The following ADGRL2 variants were observed in gnomAD, a reference collection of about 807,000 sequenced individuals.
ADGRL2 encodes calcium-independent alpha-latrotoxin receptor 2.
A neutral mutation model predicts 157.4 loss-of-function variants in ADGRL2; 44 were observed. That is an observed-to-expected ratio of 0.28 (90% CI 0.22 to 0.36). The LOEUF (loss-of-function observed/expected upper bound fraction) is 0.36. ADGRL2 is among the 10% of genes least tolerant of loss of function. ADGRL2 has a pLI of 1.00. For synonymous variants in ADGRL2, 585 were observed against 624.7 expected (o/e 0.94, Z 0.95); for missense variants, 1,510 against 1,768.9 (o/e 0.85, Z 2.63).
chr1:81,951,936 T>C, intron 8 of ADGRL2, 21 bp from the exon 9 acceptor site: 1 of 1,576,498 alleles, frequency 6.3e-7, no homozygotes, highest in Non-Finnish European at 8.6e-7. Context: ...TTAAATGAGA[T>C]AATACAAATT....
At chr1:81,426,004 CT>C (rs1008691232) in intron 1 of ADGRL2, among the ~76,000 whole-genome samples, 20 of 152,094 alleles carry the variant, frequency 1.3e-4, no homozygotes, top group Admixed American at 4.6e-4. Flanking sequence ...GTAGCTGGGA[CT>C]ACAGGCATGC....
chr1:81,512,159 T>TA (rs990166255), intron 2 of ADGRL2, among the ~76,000 whole-genome samples: 3 of 151,176 alleles, frequency 2.0e-5, no homozygotes, highest in African/African-American at 7.3e-5. Context: ...TCACATCAAT[T>TA]AAAAAAAAAG....
rs3045494 is a variant in ADGRL2, at chr1:81,640,632, AAAAT to A, written c.-143+59689_-143+59692del. On this transcript the variant is annotated intron_variant, in intron 3 of 24. Coordinates refer to the ADGRL2 transcript ENST00000370721. The stretch of plus-strand genomic sequence containing the variant: ...AGCGACAGAGCCAGACTCCATCTCA[AAAAT>A]AAATAAATAAATAAATAAATAAATA... Among the ~76,000 whole-genome samples the A allele has an allele frequency of 1.9e-3, 260 of 139,644 alleles. 1 individual carries two copies. The highest frequency in any genetic ancestry group is 2.5e-3 in the East Asian group (12 of 4,750). 91.6% of individuals were successfully genotyped at this position (139,644 alleles called of 152,430 possible). A position where few individuals can be genotyped will look rare whatever the true frequency, so the allele number is the denominator to read the frequency against.
chr1:81,740,181 T>C (rs1204596259), intron 1 of ADGRL2, among the ~76,000 whole-genome samples: 1 of 152,198 alleles, frequency 6.6e-6, no homozygotes, highest in Non-Finnish European at 1.5e-5. Flanking sequence ...AGATGGCAGA[T>C]TGTGCATGCG....
Position 81,862,568 on chromosome 1 carries a change from T to TATGA in ADGRL2, c.73+25528_73+25531dup, listed in dbSNP as rs141515951. ...CAGGTACCATGACTTTGTCACTATA[T>TATGA]ATGAATGAATGAATGAATGACAGAA... On this transcript the variant is annotated intron_variant, in intron 2 of 23. Transcript: ENST00000686636. Among the ~76,000 whole-genome samples, 563 of 152,284 alleles carry TATGA rather than the reference T, an allele frequency of 3.7e-3. 12 individuals are homozygous for TATGA. The highest frequency in any genetic ancestry group is 0.026 in the East Asian group (133 of 5,184).
At chr1:81,743,582 A>G (rs2085147865) in intron 1 of ADGRL2, among the ~76,000 whole-genome samples, 1 of 152,066 alleles carries the variant, frequency 6.6e-6, no homozygotes, top group African/African-American at 2.4e-5. Context: ...GGCAAACCTA[A>G]GTGCATTAGA....
chr1:81,655,805 C>T (rs146119984), intron 3 of ADGRL2, among the ~76,000 whole-genome samples: 206 of 105,882 alleles, frequency 1.9e-3, no homozygotes, highest in African/African-American at 6.2e-3. Flanking sequence ...GGACATATAT[C>T]GTATGGCTCT....
chr1:81,644,403 C>G (rs1177749905), intron 3 of ADGRL2, among the ~76,000 whole-genome samples: 2 of 152,044 alleles, frequency 1.3e-5, no homozygotes, highest in African/African-American at 4.8e-5. Flanking sequence ...TTCTGCTTTG[C>G]AAAAGACACT....
chr1:81,463,390 A>G (rs1450120753), intron 2 of ADGRL2, among the ~76,000 whole-genome samples: 1 of 152,116 alleles, frequency 6.6e-6, no homozygotes, highest in Admixed American at 6.5e-5. Flanking sequence ...GTACTCAGTC[A>G]GCTCTTGGTA....
intron 1 of ADGRL2, among the ~76,000 whole-genome samples, chr1:81,378,051 C>T (rs184878810): frequency 2.0e-5 from 3 of 151,920 alleles, no homozygotes; most frequent in East Asian, 2.0e-4. Context: ...TGGTGGTGCA[C>T]ACCTGTAGCC....
rs182923321 is a variant in ADGRL2, at chr1:81,630,649, G to A, written c.-143+49669G>A. Among the ~76,000 whole-genome samples the A allele has an allele frequency of 3.0e-4, 45 of 152,226 alleles. No individual in the cohort carries two copies. The East Asian group carries it at 8.3e-3, about 28-fold the overall frequency. ...AAACCAGCACATGCATTTAAAATGAGGTGATATGCATGTGGAGTTATATAT... is the reference window on the plus strand; with the variant it reads ...AAACCAGCACATGCATTTAAAATGAAGTGATATGCATGTGGAGTTATATAT... On this transcript the variant is annotated intron_variant, in intron 3 of 24. Coordinates refer to the ADGRL2 transcript ENST00000370721.
intron 2 of ADGRL2, among the ~76,000 whole-genome samples, chr1:81,897,398 AATAG>A (rs1444118537): frequency 1.3e-5 from 2 of 152,118 alleles, no homozygotes; most frequent in Non-Finnish European, 1.5e-5. Context: ...TATTATTTTT[AATAG>A]ATGTGCTTAT....
intron 1 of ADGRL2, among the ~76,000 whole-genome samples, chr1:81,435,859 G>C (rs971487642): frequency 6.6e-6 from 1 of 152,206 alleles, no homozygotes; most frequent in Admixed American, 6.5e-5. Flanking sequence ...CACTTTGGGA[G>C]TCTGAGGCAG....
chr1:81,952,914 G>T (rs921490389), intron 9 of ADGRL2, 73 bp from the exon 10 acceptor site: 14 of 1,226,866 alleles, frequency 1.1e-5, no homozygotes, highest in Admixed American at 1.7e-5. Flanking sequence ...CTTAATTTTT[G>T]AGGATTTCTT....
intron 2 of ADGRL2, among the ~76,000 whole-genome samples, chr1:81,473,784 T>G (rs553290178): frequency 7.5e-5 from 11 of 147,090 alleles, no homozygotes; most frequent in Admixed American, 6.1e-4. Context: ...GATGTGAGGT[T>G]TTTTTTTTTC....
rs145053979 is a variant in ADGRL2, at chr1:81,571,887, G to A, written c.-247-8989G>A. Among the ~76,000 whole-genome samples, 5 of 152,088 alleles carry A rather than the reference G, an allele frequency of 3.3e-5. No individual in the cohort carries two copies. The South Asian group carries it at 8.3e-4, about 25-fold the overall frequency. On this transcript the variant is annotated intron_variant, in intron 2 of 24. Coordinates refer to the ADGRL2 transcript ENST00000370721. ...TGTTGAATGAATTTCCACATGCTCC[G>A]CACCCCCCAGCCTTTGCTACCTTTT...
chr1:81,485,454 T>C (rs1193823787), intron 2 of ADGRL2, among the ~76,000 whole-genome samples: 2 of 152,164 alleles, frequency 1.3e-5, no homozygotes, highest in Non-Finnish European at 2.9e-5. Flanking sequence ...TTGAAGTGTA[T>C]CTGATATTAA....
intron 1 of ADGRL2, among the ~76,000 whole-genome samples, chr1:81,356,952 CA>C (rs757239865): frequency 0.22 from 12,207 of 55,672 alleles, 775 homozygotes; most frequent in Middle Eastern, 0.27. Flanking sequence ...GACTCCGTCT[CA>C]AAAAAAAAAA....
chr1:81,473,728 G>C (rs1040031990), intron 2 of ADGRL2, among the ~76,000 whole-genome samples: 1 of 151,910 alleles, frequency 6.6e-6, no homozygotes, highest in African/African-American at 2.4e-5. Context: ...AAAACTATAG[G>C]CCTATCAAGG....
Sources: allele counts gnomAD v4.1 joint callset (sites outside exome capture counted in the v4.1 genomes callset), GRCh38; gene constraint gnomAD v4.1.1; transcripts MANE v1.5; gene names NCBI Gene and HGNC (gene_info 2026-07-23, HGNC 2026-07-21).